RYR1: variants seen among roughly 807,000 people sequenced by gnomAD.
RYR1 encodes central core disease of muscle.
In RYR1, 342 loss-of-function variants were observed where a neutral mutation model predicts 583.5. The observed-to-expected ratio is 0.59, with a 90% confidence interval of 0.54 to 0.64. The LOEUF (loss-of-function observed/expected upper bound fraction) is 0.64, where lower values mean the gene tolerates loss of function less well. Among genes scored for constraint, RYR1 ranks in the 30% least tolerant of loss-of-function variants. The probability of loss-of-function intolerance (pLI) is 0.00; values close to 1 mark genes in which losing one functional copy is unlikely to be tolerated. For synonymous variants in RYR1, 2,791 were observed against 2,822.5 expected (o/e 0.99, Z 0.35); for missense variants, 6,032 against 6,917.2 (o/e 0.87, Z 4.54).
In RYR1 at chr19:38,566,787, G is replaced by C. The variant is rs1973458302; in HGVS notation, c.13438-124G>C. 32 of 1,515,700 alleles carry C rather than the reference G, an allele frequency of 2.1e-5. No homozygotes were observed. The South Asian group carries it at 3.7e-4, about 18-fold the overall frequency. The allele number at this position is 1,515,700 out of a possible 1,614,324, so 93.9% of individuals were successfully genotyped here. ...AATCATAATCTGCCTCTTTCTGGTGGAGGGAAGTGTAAAACTTAGATTACC... is the reference window on the plus strand; with the variant it reads ...AATCATAATCTGCCTCTTTCTGGTGCAGGGAAGTGTAAAACTTAGATTACC... On this transcript the variant is annotated intron_variant, in intron 91 of 105. Coordinates refer to ENST00000359596, the MANE Select transcript of RYR1 (RefSeq NM_000540.3).
Position 38,523,220 on chromosome 19 carries a change from T to A in RYR1, c.10351T>A (p.Phe3451Ile). Reference protein sequence around the residue: ...IFIYWSKSHNFKREEQNFVVQ... With the variant: ...IFIYWSKSHNIKREEQNFVVQ... ...GCAACACTGCTTCCCCCACCAGAAC[T>A]TCAAGCGCGAGGAGCAGAACTTTGT... The change falls in exon 69 of 106, where the codon TTC (phenylalanine) becomes ATC (isoleucine). Residue 3451 changes from phenylalanine to isoleucine, a missense_variant. Physicochemically the swap from Phe to Ile is conservative, Grantham distance 21. Coordinates refer to ENST00000359596, the MANE Select transcript of RYR1 (RefSeq NM_000540.3). 3 of 1,614,104 alleles carry A rather than the reference T, an allele frequency of 1.9e-6. No individual in the cohort carries two copies. Among genetic ancestry groups the A allele is most frequent in the Non-Finnish European group, 2.5e-6 (3 of 1,180,002 alleles).
chr19:38,515,330 G>A (rs1302682221), intron 64 of RYR1, among the ~76,000 whole-genome samples: 1 of 152,156 alleles, frequency 6.6e-6, no homozygotes, highest in East Asian at 1.9e-4. Context: ...GGCAGGCCTC[G>A]CTGGGGAAGA....
At chr19:38,529,270 C>T (rs969810305) in intron 76 of RYR1, among the ~76,000 whole-genome samples, 17 of 152,208 alleles carry the variant, frequency 1.1e-4, no homozygotes, top group Non-Finnish European at 1.6e-4. Flanking sequence ...CACTTGAGCC[C>T]AGGAGTTCAA....
At chr19:38,573,762 C>T (rs1333513989) in intron 96 of RYR1, among the ~76,000 whole-genome samples, 1 of 151,736 alleles carries the variant, frequency 6.6e-6, no homozygotes, top group Non-Finnish European at 1.5e-5. Context: ...CTTACTCTTT[C>T]TTTCCATAAA....
intron 99 of RYR1, among the ~76,000 whole-genome samples, chr19:38,579,697 C>T (rs181357951): frequency 7.2e-5 from 11 of 152,254 alleles, no homozygotes; most frequent in Admixed American, 7.2e-4. Context: ...CCTCAGCCCC[C>T]CAAAGCACTG....
Position 38,506,358 on chromosome 19 carries a change from C to G in RYR1, c.8597C>G (p.Thr2866Ser). The change falls in exon 55 of 106, where the codon ACC becomes AGC. Residue 2866 changes from threonine to serine, a missense_variant. Thr to Ser is a moderately conservative substitution (Grantham distance 58). Around this residue, in one of 11 missense-constraint regions of RYR1, gnomAD observed 1,493 missense variants for 1,715.5 expected, o/e 0.87. Transcript: ENST00000359596. ...NPQPPDLSAV[T>S]LSRELQAMAE... is the part of the protein sequence containing the mutation. ...CAGCCCCCCGACCTTAGTGCTGTTA[C>G]CCTGTCCCGGGAGCTGCAGGTGAGA... 1 of 1,613,826 alleles carries G rather than the reference C, an allele frequency of 6.2e-7. No homozygotes were observed. Among genetic ancestry groups the G allele is most frequent in the Non-Finnish European group, 8.5e-7 (1 of 1,179,834 alleles).
Position 38,448,379 on chromosome 19 carries a change from G to T in RYR1, c.825G>T (p.Trp275Cys), listed in dbSNP as rs138687891. ...GCTGGAGTGGGAGCCACCTGCGCTG[G>T]GGCCAGCCACTCCGAGTCCGGCATG... The part of the protein sequence containing the change: ...RISWSGSHLR[W>C]GQPLRVRHVT... The change falls in exon 10 of 106, where the codon TGG becomes TGT. Residue 275 changes from tryptophan (W) to cysteine (C), a missense_variant. Trp to Cys is a radical substitution (Grantham distance 215). This residue lies in a region of RYR1 where 338 missense variants were observed against 441.6 expected (regional missense o/e 0.77). Coordinates refer to ENST00000359596, the MANE Select transcript of RYR1 (RefSeq NM_000540.3). 5.0e-6 allele frequency: 8 copies of T among 1,610,576 alleles called. No individual in the cohort carries two copies. The African/African-American group carries it at 9.3e-5, about 19-fold the overall frequency.
In RYR1 at chr19:38,478,620, AT is replaced by A. The variant is rs754076502; in HGVS notation, c.4620+23del. On this transcript the variant is annotated intron_variant, in intron 31 of 105. Transcript: ENST00000359596. The stretch of plus-strand genomic sequence containing the variant: ...TTCCAGGTGAGTCCAGGCCACAGCA[AT>A]TTAGCGAGAGCATCATGTCCCAGCA... 1.6e-5 allele frequency: 25 copies of A among 1,605,990 alleles called. No individual in the cohort carries two copies. The highest frequency in any genetic ancestry group is 2.0e-5 in the Non-Finnish European group (24 of 1,179,880).
chr19:38,574,933 G>A (rs1041513598), intron 96 of RYR1, among the ~76,000 whole-genome samples: 6 of 151,856 alleles, frequency 4.0e-5, no homozygotes, highest in African/African-American at 7.3e-5. Flanking sequence ...ACAGCTACTC[G>A]GGAGGCTGAG....
At chr19:38,566,228 C>G (rs1973420117) in intron 91 of RYR1, among the ~76,000 whole-genome samples, 2 of 151,878 alleles carry the variant, frequency 1.3e-5, no homozygotes, top group Admixed American at 6.6e-5. Context: ...GCGGGCCGAT[C>G]ACCTGAGGTC....
chr19:38,586,970 CA>C (rs113697447), intron 105 of RYR1, among the ~76,000 whole-genome samples: 18,961 of 151,466 alleles, frequency 0.13, 2,336 homozygotes, highest in African/African-American at 0.3. Context: ...TACTCCATCT[CA>C]AAAAAAATGG....
chr19:38,548,295 A>C lies in RYR1; in HGVS notation c.12157A>C (p.Asn4053His). The change falls in exon 89 of 106, where the codon AAT becomes CAT. Residue 4053 changes from asparagine to histidine, a missense_variant. Transcript: ENST00000359596. ...GGACATGCTCGTGGAATCCTCATCC[A>C]ATGTGGAGATGATCCTCAAGTTCTT... Reference protein sequence around the residue: ...MVDMLVESSSNVEMILKFFDM... With the variant: ...MVDMLVESSSHVEMILKFFDM... 6.2e-7 allele frequency: 1 copy of C among 1,614,210 alleles called. No homozygotes were observed. Among genetic ancestry groups the C allele is most frequent in the Non-Finnish European group, 8.5e-7 (1 of 1,180,046 alleles).
At position 38,455,384 on chromosome 19, in the gene RYR1, T is replaced by A; in HGVS notation, c.1576+14T>A. The A allele has an allele frequency of 6.2e-7, 1 of 1,614,044 alleles. No individual in the cohort carries two copies. The highest frequency in any genetic ancestry group is 8.5e-7 in the Non-Finnish European group (1 of 1,179,996). ...ATGAACTCCTAGGTAGGGGTCCCAG[T>A]CCTGACTCCCCTGAGAACACCCCAG... On this transcript the variant is annotated intron_variant, in intron 14 of 105. Transcript: ENST00000359596.
At chr19:38,463,039 G>A (rs1967849687) in intron 20 of RYR1, among the ~76,000 whole-genome samples, 1 of 150,974 alleles carries the variant, frequency 6.6e-6, no homozygotes, top group African/African-American at 2.4e-5. Flanking sequence ...TGGGACTACA[G>A]GTGCGCACCA....
In RYR1 at chr19:38,502,749, G is replaced by A. The variant is rs374773287; in HGVS notation, c.7835+22G>A. On this transcript the variant is annotated intron_variant, in intron 48 of 105. Coordinates refer to ENST00000359596, the MANE Select transcript of RYR1 (RefSeq NM_000540.3). Reference sequence around the variant, plus strand: ...GCAGGTGGAGCGGGGCAGGCTTCAGGGTGGGGCAGGGGCAGGGGCAGGGGC... The same window carrying A: ...GCAGGTGGAGCGGGGCAGGCTTCAGAGTGGGGCAGGGGCAGGGGCAGGGGC... The A allele has an allele frequency of 9.5e-5, 141 of 1,487,540 alleles. 1 individual carries two copies. In the South Asian group the frequency reaches 1.0e-3, roughly 11 times the overall value. 92.1% of individuals were successfully genotyped at this position (1,487,540 alleles called of 1,614,324 possible). A position where few individuals can be genotyped will look rare whatever the true frequency, so the allele number is the denominator to read the frequency against.
At position 38,502,632 on chromosome 19, in the gene RYR1, C is replaced by T. The variant is rs555791373; in HGVS notation, c.7740C>T (p.Asp2580=). Residue 2580 remains aspartate (D), a synonymous_variant, in exon 48 of 106, where the codon GAC becomes GAT. Transcript: ENST00000359596. ...CAGAACACCGCGCCATCATGGTGGA[C>T]TCTATGCTGCATACCGTGTACCGCC... The part of the protein sequence containing the change: ...AGTEHRAIMV[D]SMLHTVYRLS... 7.4e-5 allele frequency: 119 copies of T among 1,613,142 alleles called. 1 individual carries two copies. The South Asian group carries it at 9.4e-4, about 13-fold the overall frequency.
At chr19:38,436,357 A>G (rs1394065916) in intron 1 of RYR1, among the ~76,000 whole-genome samples, 2 of 152,042 alleles carry the variant, frequency 1.3e-5, no homozygotes, top group Non-Finnish European at 2.9e-5. Context: ...ACACGTGCAT[A>G]GCACCATGCT....
chr19:38,440,977 A>G, intron 2 of RYR1, 113 bp downstream of exon 2: 1 of 1,088,956 alleles, frequency 9.2e-7, no homozygotes, highest in Non-Finnish European at 1.3e-6. Flanking sequence ...ACAGGAGAGA[A>G]AGTGAGGAGG....
chr19:38,519,959 G>A lies in RYR1; in HGVS notation c.10259+505G>A, dbSNP rs55736356. 9.0e-3 allele frequency among the ~76,000 whole-genome samples: 1,374 copies of A among 152,056 alleles called. 21 individuals are homozygous for A. The highest frequency in any genetic ancestry group is 0.032 in the African/African-American group (1,313 of 41,452). ...CCCAAAGTGCTGGGATTACAGCTGT[G>A]AGCCAATGCAGCTGGCCAGTGTGAT... On this transcript the variant is annotated intron_variant, in intron 67 of 105. Coordinates refer to ENST00000359596, the MANE Select transcript of RYR1 (RefSeq NM_000540.3).
Sources: gnomAD v4.1 joint callset for allele counts (sites outside exome capture counted in the v4.1 genomes callset) on GRCh38, gnomAD v4.1.1 for gene constraint, gnomAD v4.1.1 regional missense constraint, MANE v1.5 for transcripts, NCBI Gene and HGNC (gene_info 2026-07-23, HGNC 2026-07-21) for gene names.